Variants in NEK6 observed in about 807,000 individuals in gnomAD.
NEK6 encodes serine/threonine-protein kinase Nek6.
NEK6 carries 27 observed loss-of-function variants against 43.5 expected under a neutral mutation model. That is an observed-to-expected ratio of 0.62 (90% CI 0.46 to 0.86). The LOEUF is 0.86. Ranked by LOEUF, NEK6 falls within the 40% of genes least tolerant of loss-of-function variation. NEK6 has a pLI of 0.00. For synonymous variants in NEK6, 167 were observed against 164.1 expected (o/e 1.02, Z -0.14); for missense variants, 318 against 414.4 (o/e 0.77, Z 2.02).
At position 124,275,901 on chromosome 9, in the gene NEK6, C is replaced by T. The variant is rs747555643; in HGVS notation, c.-30+17816C>T. Among the ~76,000 whole-genome samples the T allele has an allele frequency of 4.6e-5, 7 of 152,374 alleles. No individual in the cohort carries two copies. The highest frequency in any genetic ancestry group is 9.6e-5 in the African/African-American group (4 of 41,592). On this transcript the variant is annotated intron_variant, in intron 1 of 9. Coordinates refer to ENST00000320246, the MANE Select transcript of NEK6 (RefSeq NM_014397.6). This position sits in a 1 kb window ranked among gnomAD's most constrained non-coding sequence, Gnocchi z 4.4. ...TCTGGGGACAGATAGGTCAGCGGGACGGATGGAACCAGCTCTGTGACTCAC... is the reference window on the plus strand; with the variant it reads ...TCTGGGGACAGATAGGTCAGCGGGATGGATGGAACCAGCTCTGTGACTCAC...
intron 9 of NEK6, among the ~76,000 whole-genome samples, chr9:124,348,497 AG>A (rs1830078287): frequency 6.6e-6 from 1 of 152,196 alleles, no homozygotes; most frequent in African/African-American, 2.4e-5. Flanking sequence ...CAGGGTCAAA[AG>A]TGTAGATACA....
chr9:124,321,203 T>G (rs1258548873), intron 4 of NEK6, among the ~76,000 whole-genome samples: 2 of 152,244 alleles, frequency 1.3e-5, no homozygotes, highest in African/African-American at 4.8e-5. Context: ...CATGTCGTCT[T>G]CACAACTATG....
chr9:124,293,742 G>T (rs528275196), intron 1 of NEK6, among the ~76,000 whole-genome samples: 1 of 152,192 alleles, frequency 6.6e-6, no homozygotes, highest in African/African-American at 2.4e-5. Flanking sequence ...ACGCCCCCTG[G>T]GTGGCCCTCT....
At chr9:124,294,235 G>A (rs1832570382) in intron 1 of NEK6, among the ~76,000 whole-genome samples, 2 of 152,208 alleles carry the variant, frequency 1.3e-5, no homozygotes, top group African/African-American at 4.8e-5. Flanking sequence ...GCGTGATGGT[G>A]TGTGCTTATA....
At chr9:124,325,754 G>A (rs543496029) in intron 5 of NEK6, among the ~76,000 whole-genome samples, 12 of 152,362 alleles carry the variant, frequency 7.9e-5, no homozygotes, top group East Asian at 7.7e-4. Flanking sequence ...ACTGATGCCC[G>A]TTGGAACTGG....
intron 2 of NEK6, among the ~76,000 whole-genome samples, chr9:124,302,912 G>A (rs1394852086): frequency 3.9e-5 from 6 of 152,392 alleles, no homozygotes; most frequent in Admixed American, 6.5e-5. Flanking sequence ...GGGGCCCCGC[G>A]TGCTCGCTGA....
intron 1 of NEK6, among the ~76,000 whole-genome samples, chr9:124,260,743 G>A (rs889687039): frequency 1.3e-5 from 2 of 152,200 alleles, no homozygotes; most frequent in African/African-American, 2.4e-5. Flanking sequence ...TAGGTCTGGT[G>A]CTGTATTTTA....
At chr9:124,330,025 A>G (rs1263758248) in intron 7 of NEK6, among the ~76,000 whole-genome samples, 1 of 152,198 alleles carries the variant, frequency 6.6e-6, no homozygotes, top group Non-Finnish European at 1.5e-5. Flanking sequence ...CTGCTGACCC[A>G]AGAGCTGGGC....
intron 4 of NEK6, among the ~76,000 whole-genome samples, chr9:124,319,919 C>T (rs1246366214): frequency 3.3e-5 from 5 of 152,162 alleles, no homozygotes; most frequent in Non-Finnish European, 5.9e-5. Flanking sequence ...CTTTGTGTGC[C>T]GCCTTCTGAA....
chr9:124,258,863 C>T (rs1374830353), intron 1 of NEK6, among the ~76,000 whole-genome samples: 1 of 152,248 alleles, frequency 6.6e-6, no homozygotes, highest in Non-Finnish European at 1.5e-5. Context: ...CGAGCGGAGG[C>T]TGTGGTGGGC....
chr9:124,289,207 ACACACACACAC>A, intron 1 of NEK6, among the ~76,000 whole-genome samples: 1 of 98,878 alleles, frequency 1.0e-5, no homozygotes, highest in African/African-American at 4.1e-5. Flanking sequence ...ACACACACAC[ACACACACACAC>A]ACACACACAC....
rs1021568562 is a variant in NEK6, at chr9:124,343,472, G to A, written c.717+3807G>A. On this transcript the variant is annotated intron_variant, in intron 8 of 9. Coordinates refer to ENST00000320246, the MANE Select transcript of NEK6 (RefSeq NM_014397.6). This position sits in a 1 kb window ranked among gnomAD's most constrained non-coding sequence, Gnocchi z 5.1. ...GCCTCACACAGCAGCAGGCTGCTGT[G>A]GCCACCCATAGCCGGCCCATCCAAG... Among the ~76,000 whole-genome samples the A allele has an allele frequency of 2.0e-5, 3 of 152,114 alleles. No homozygotes were observed. Among genetic ancestry groups the A allele is most frequent in the Non-Finnish European group, 4.4e-5 (3 of 67,996 alleles).
intron 1 of NEK6, chr9:124,292,313 C>T: frequency 1.4e-6 from 2 of 1,405,190 alleles, no homozygotes; most frequent in South Asian, 2.9e-5. Flanking sequence ...TAGCCTGGGA[C>T]AGGGGTGGCT....
At chr9:124,305,571 A>G (rs1449272081) in intron 2 of NEK6, among the ~76,000 whole-genome samples, 2 of 144,754 alleles carry the variant, frequency 1.4e-5, no homozygotes, top group South Asian at 2.2e-4. Flanking sequence ...AAAAAAAAAG[A>G]AAAAGAAAAG....
chr9:124,300,310 C>T (rs1182980694), intron 1 of NEK6, among the ~76,000 whole-genome samples: 1 of 152,144 alleles, frequency 6.6e-6, no homozygotes, highest in East Asian at 1.9e-4. Flanking sequence ...GACACAGTGG[C>T]CGGACCTCTA....
At chr9:124,305,900 A>G (rs1833232751) in intron 2 of NEK6, among the ~76,000 whole-genome samples, 1 of 152,220 alleles carries the variant, frequency 6.6e-6, no homozygotes, top group Non-Finnish European at 1.5e-5. Context: ...AAAAGAATGT[A>G]TGGTGTTTAT....
chr9:124,346,228 G>T (rs772504022), intron 8 of NEK6, among the ~76,000 whole-genome samples: 5 of 152,184 alleles, frequency 3.3e-5, no homozygotes, highest in Admixed American at 6.5e-5. Flanking sequence ...TTCCCCAAAG[G>T]CCATCTGCAA....
intron 1 of NEK6, chr9:124,263,012 A>T (rs1831094565): frequency 6.6e-6 from 1 of 152,220 alleles, no homozygotes. Context: ...GCGCGTTCTT[A>T]CTGCAGGTGA....
chr9:124,342,848 C>T (rs1237872326), intron 8 of NEK6, among the ~76,000 whole-genome samples: 1 of 152,240 alleles, frequency 6.6e-6, no homozygotes, highest in Non-Finnish European at 1.5e-5. Flanking sequence ...TATGAACACA[C>T]ACACAGGCTG....
Sources: allele counts gnomAD v4.1 joint callset (sites outside exome capture counted in the v4.1 genomes callset), GRCh38; gene constraint gnomAD v4.1.1; non-coding constraint Gnocchi (gnomAD v3.1); transcripts MANE v1.5; gene names NCBI Gene and HGNC (gene_info 2026-07-23, HGNC 2026-07-21).